NDRG4: variants seen among roughly 807,000 people sequenced by gnomAD.
The protein encoded by NDRG4 is protein NDRG4.
In NDRG4, 38 loss-of-function variants were observed where a neutral mutation model predicts 55.8. That is an observed-to-expected ratio of 0.68 (90% CI 0.53 to 0.89). The LOEUF (loss-of-function observed/expected upper bound fraction) is 0.89, where lower values mean the gene tolerates loss of function less well. Among genes scored for constraint, NDRG4 ranks in the 40% least tolerant of loss-of-function variants. The pLI, the probability that NDRG4 is intolerant of heterozygous loss-of-function variation, is 0.00. For synonymous variants in NDRG4, 190 were observed against 182.7 expected, an observed-to-expected ratio of 1.04 and a Z score of -0.32; for missense variants, 455 against 468.6, an observed-to-expected ratio of 0.97 and a Z score of 0.27.
chr16:58,503,356 G>A (rs567206089), intron 1 of NDRG4, among the ~76,000 whole-genome samples: 10 of 152,314 alleles, frequency 6.6e-5, no homozygotes, highest in African/African-American at 2.4e-4. Flanking sequence ...GGCACGGGGT[G>A]TTTTCTGAGG....
In NDRG4 at chr16:58,506,722, A is replaced by C. The variant is rs1206247644; in HGVS notation, c.516+108A>C. ...TTTGGCATCTGACCTGGCTCACTCC[A>C]GATGCTAAGCCATCTGAAAGACAGA... On this transcript the variant is annotated intron_variant, in intron 7 of 14. Coordinates refer to ENST00000570248, the MANE Select transcript of NDRG4 (RefSeq NM_001242835.2). 3.0e-6 allele frequency: 4 copies of C among 1,329,222 alleles called. No homozygotes were observed. The African/African-American group carries it at 5.9e-5, about 20-fold the overall frequency. The allele number at this position is 1,329,222 out of a possible 1,614,324, so 82.3% of individuals were successfully genotyped here. A position where few individuals can be genotyped will look rare whatever the true frequency, so the allele number is the denominator to read the frequency against.
At chr16:58,504,097 C>T in intron 2 of NDRG4, 57 bp from the exon 3 acceptor site, 4 of 1,607,526 alleles carry the variant, frequency 2.5e-6, no homozygotes, top group East Asian at 4.5e-5. Flanking sequence ...GGGGCCCGGC[C>T]TTCCTTCCAG....
At chr16:58,490,318 GC>G (rs2035630547) in intron 2 of NDRG4, among the ~76,000 whole-genome samples, 1 of 152,132 alleles carries the variant, frequency 6.6e-6, no homozygotes, top group East Asian at 1.9e-4. Context: ...GTCCAGCAGG[GC>G]CCCCCAGTAC....
rs867277071 is a variant in NDRG4, at chr16:58,507,823, C to T, written c.636C>T (p.Asp212=). The part of the protein sequence containing the change: ...WNMYNSRRDL[D]INRPGTVPNA... Reference sequence around the variant, plus strand: ...TGCCCCACAGCCGCAGAGACCTGGACATTAACCGGCCTGGAACGGTGCCCA... The same window carrying T: ...TGCCCCACAGCCGCAGAGACCTGGATATTAACCGGCCTGGAACGGTGCCCA... Residue 212 remains aspartate (D), a synonymous_variant, in exon 9 of 15, where the codon GAC becomes GAT. Coordinates refer to ENST00000570248, the MANE Select transcript of NDRG4 (RefSeq NM_001242835.2). 8.1e-6 allele frequency: 13 copies of T among 1,613,958 alleles called. No homozygotes were observed. In the Middle Eastern group the frequency reaches 1.7e-3, roughly 206 times the overall value.
Position 58,503,803 on chromosome 16 carries a change from T to C in NDRG4, c.27T>C (p.His9=). 1 of 1,613,856 alleles carries C rather than the reference T, an allele frequency of 6.2e-7. No individual in the cohort carries two copies. The highest frequency in any genetic ancestry group is 1.3e-5 in the African/African-American group (1 of 74,962). Residue 9 remains histidine, a synonymous_variant, in exon 2 of 15, where the codon CAT becomes CAC. Coordinates refer to ENST00000570248, the MANE Select transcript of NDRG4 (RefSeq NM_001242835.2). The part of the protein sequence containing the change: MPECWDGE[H]DIETPYGLLH... Reference sequence around the variant, plus strand: ...GCACGGTCTCTCCCCTTCAGGAACATGACATCGAGACACCCTACGGCCTTC... The same window carrying C: ...GCACGGTCTCTCCCCTTCAGGAACACGACATCGAGACACCCTACGGCCTTC...
chr16:58,464,642 TG>T lies in NDRG4; in HGVS notation c.-24+846del. On this transcript the variant is annotated intron_variant, in intron 1 of 15. Transcript: ENST00000258187. The surrounding 1 kb of genome is among the most constrained non-coding windows in gnomAD (Gnocchi z 4.8). ...CGGAGCCCAGCCCCGGGAGAGGACT[TG>T]AGGTTGTGGCGAGTCCCTGGCGCTG... is the stretch of plus-strand genomic sequence containing the variant. 1.1e-6 allele frequency: 1 copy of T among 949,074 alleles called. No homozygotes were observed. The highest frequency in any genetic ancestry group is 1.4e-6 in the Non-Finnish European group (1 of 715,694). 58.8% of individuals were successfully genotyped at this position (949,074 alleles called of 1,614,324 possible). A position where few individuals can be genotyped will look rare whatever the true frequency, so the allele number is the denominator to read the frequency against.
At chr16:58,486,924 C>T (rs2035161089) in intron 1 of NDRG4, among the ~76,000 whole-genome samples, 1 of 152,056 alleles carries the variant, frequency 6.6e-6, no homozygotes, top group Non-Finnish European at 1.5e-5. Flanking sequence ...CGGCCTGCCA[C>T]ACCACCAGGG....
chr16:58,472,522 C>T (rs994528327), intron 1 of NDRG4, among the ~76,000 whole-genome samples: 11 of 152,110 alleles, frequency 7.2e-5, no homozygotes, highest in East Asian at 1.9e-4. Flanking sequence ...AAGGGAGAGG[C>T]GGGATGCTGG....
At chr16:58,494,366 C>G (rs1212245298) in intron 2 of NDRG4, among the ~76,000 whole-genome samples, 3 of 152,240 alleles carry the variant, frequency 2.0e-5, no homozygotes. Flanking sequence ...CCCATCCCTA[C>G]AAGTGGGCAT....
At chr16:58,501,687 G>A in intron 1 of NDRG4, 1 of 264,318 alleles carries the variant, frequency 3.8e-6, no homozygotes, top group Non-Finnish European at 7.8e-6. Context: ...AGGTAGCCCG[G>A]TGACGCCCAG....
chr16:58,482,026 C>T (rs1467305580), intron 1 of NDRG4, among the ~76,000 whole-genome samples: 1 of 151,842 alleles, frequency 6.6e-6, no homozygotes, highest in Non-Finnish European at 1.5e-5. Context: ...TGAGCACCAA[C>T]TCTGATCCAA....
intron 5 of NDRG4, among the ~76,000 whole-genome samples, chr16:58,505,406 C>T (rs940052006): frequency 4.2e-5 from 6 of 143,934 alleles, no homozygotes; most frequent in African/African-American, 5.1e-5. Flanking sequence ...AGCTTTTCAT[C>T]TCTAAAAACA....
rs2038859550 is a variant in NDRG4, at chr16:58,512,005, T to C, written c.*429T>C. 6.5e-6 allele frequency: 3 copies of C among 460,160 alleles called. No homozygotes were observed. The highest frequency in any genetic ancestry group is 6.0e-5 in the African/African-American group (3 of 50,240). The allele number at this position is 460,160 out of a possible 1,614,324, so 28.5% of individuals were successfully genotyped here. Reference sequence around the variant, plus strand: ...TGGCGTGGGAGCCCTGGGAGACCCCTTCCCCCACCCTCCACCAAGCACACC... The same window carrying C: ...TGGCGTGGGAGCCCTGGGAGACCCCCTCCCCCACCCTCCACCAAGCACACC... On this transcript the variant is annotated 3_prime_UTR_variant, in exon 15 of 15. Coordinates refer to ENST00000570248, the MANE Select transcript of NDRG4 (RefSeq NM_001242835.2).
intron 1 of NDRG4, among the ~76,000 whole-genome samples, chr16:58,482,656 T>C (rs1381734854): frequency 2.5e-5 from 2 of 80,712 alleles, no homozygotes; most frequent in Non-Finnish European, 6.4e-5. Flanking sequence ...CTCTCTTTTC[T>C]CTCTTTCCAT....
chr16:58,509,927 TACACACACACAGACACACAC>T (rs1335011907), intron 13 of NDRG4, among the ~76,000 whole-genome samples: 1 of 149,502 alleles, frequency 6.7e-6, no homozygotes, highest in Non-Finnish European at 1.5e-5. Flanking sequence ...TGGAACCAGG[TACACACACACAGACACACAC>T]ACACACACAC....
At chr16:58,474,679 G>C (rs1192069606) in intron 1 of NDRG4, among the ~76,000 whole-genome samples, 2 of 152,200 alleles carry the variant, frequency 1.3e-5, no homozygotes, top group African/African-American at 2.4e-5. Context: ...TGTCTGTAAT[G>C]GTCAGTATTT....
chr16:58,467,235 C>A (rs2031867893), intron 1 of NDRG4, among the ~76,000 whole-genome samples: 1 of 152,244 alleles, frequency 6.6e-6, no homozygotes. Context: ...AGGCTGGGCA[C>A]AGTGGCTCAC....
At position 58,512,497 on chromosome 16, in the gene NDRG4, A is replaced by T. The variant is rs1406634923; in HGVS notation, c.*921A>T. On this transcript the variant is annotated 3_prime_UTR_variant, in exon 15 of 15. Transcript: ENST00000570248. ...AGGTTCCCCAGAGGGCAACGCCATC[A>T]GTAGCAGTGTGGTGTTTCAGGCAGA... 1.2e-5 allele frequency: 3 copies of T among 241,792 alleles called. No individual in the cohort carries two copies. Among genetic ancestry groups the T allele is most frequent in the Non-Finnish European group, 8.2e-6 (1 of 121,400 alleles). 15.0% of individuals were successfully genotyped at this position (241,792 alleles called of 1,614,324 possible).
chr16:58,494,943 CCT>C (rs2036230685), intron 2 of NDRG4: 3 of 1,613,336 alleles, frequency 1.9e-6, no homozygotes, highest in Non-Finnish European at 8.5e-7. Context: ...CTTGCCACCC[CCT>C]CTGTTTGCCT....
Sources: allele counts gnomAD v4.1 joint callset (sites outside exome capture counted in the v4.1 genomes callset), GRCh38; gene constraint gnomAD v4.1.1; non-coding constraint Gnocchi (gnomAD v3.1); transcripts MANE v1.5; gene names NCBI Gene and HGNC (gene_info 2026-07-23, HGNC 2026-07-21).